The following BTBD10 variants were observed in gnomAD, a reference collection of about 807,000 sequenced individuals.
The protein encoded by BTBD10 is BTB/POZ domain-containing protein 10.
A neutral mutation model predicts 53.2 loss-of-function variants in BTBD10; 21 were observed. The observed-to-expected ratio is 0.39, with a 90% CI of 0.28 to 0.57. The LOEUF is 0.57. Among genes scored for constraint, BTBD10 ranks in the 20% least tolerant of loss-of-function variants. The pLI, the probability that BTBD10 is intolerant of heterozygous loss-of-function variation, is 0.53. For missense variants in BTBD10, 360 were observed against 594.7 expected (o/e 0.61, Z 4.10); for synonymous variants, 149 against 192.7 (o/e 0.77, Z 1.88).
chr11:13,402,597 A>G (rs1949737270), intron 8 of BTBD10, among the ~76,000 whole-genome samples: 1 of 152,208 alleles, frequency 6.6e-6, no homozygotes, highest in Non-Finnish European at 1.5e-5. Flanking sequence ...TTAAAATAAA[A>G]GAGGCATCTG....
At chr11:13,439,603 T>G (rs1950610114) in intron 2 of BTBD10, among the ~76,000 whole-genome samples, 1 of 152,124 alleles carries the variant, frequency 6.6e-6, no homozygotes, top group African/African-American at 2.4e-5. Context: ...TTAAATAAAT[T>G]TTTAATGATA....
intron 1 of BTBD10, among the ~76,000 whole-genome samples, chr11:13,454,008 C>T (rs769063078): frequency 3.9e-5 from 6 of 151,920 alleles, no homozygotes; most frequent in Admixed American, 6.6e-5. Flanking sequence ...GCCAAGATCG[C>T]GCCACTGCAC....
chr11:13,397,776 T>A lies in BTBD10; in HGVS notation c.1117+5392A>T, dbSNP rs369782254. Among the ~76,000 whole-genome samples the A allele has an allele frequency of 5.0e-4, 76 of 152,368 alleles. No individual in the cohort carries two copies. The East Asian group carries it at 0.012, about 24-fold the overall frequency. ...TCATTGGTTTCAAAGTACAGCTTTA[T>A]GTCTGCCTTCATTTCGTTATGTACC... On this transcript the variant is annotated intron_variant, in intron 8 of 8. Coordinates refer to ENST00000278174, the MANE Select transcript of BTBD10 (RefSeq NM_032320.7).
chr11:13,459,157 C>T (rs956985588), intron 1 of BTBD10, among the ~76,000 whole-genome samples: 20 of 149,586 alleles, frequency 1.3e-4, no homozygotes, highest in Admixed American at 7.3e-4. Flanking sequence ...CCCGGGTTCA[C>T]GCCATTCTCC....
At chr11:13,403,136 A>C in intron 8 of BTBD10, 32 bp downstream of exon 8, 1 of 1,298,926 alleles carries the variant, frequency 7.7e-7, no homozygotes, top group Non-Finnish European at 1.1e-6. Flanking sequence ...TTTTAAAAAG[A>C]AAACTAATAG....
At chr11:13,394,840 G>A (rs571365250) in intron 8 of BTBD10, among the ~76,000 whole-genome samples, 65 of 151,924 alleles carry the variant, frequency 4.3e-4, no homozygotes, top group Non-Finnish European at 7.8e-4. Flanking sequence ...ATGGTTTCCA[G>A]CCTCATCCGT....
At position 13,416,215 on chromosome 11, in the gene BTBD10, G is replaced by A. The variant is rs189889137; in HGVS notation, c.687+943C>T. On this transcript the variant is annotated intron_variant, in intron 5 of 8. Transcript: ENST00000278174. ...AAAAATACAAAAAAATTAGCTGGGC[G>A]TGGTGGCACACACCTATGGTCCCAG... is the stretch of plus-strand genomic sequence containing the variant. Among the ~76,000 whole-genome samples the A allele has an allele frequency of 6.2e-3, 933 of 151,660 alleles. 6 individuals carry two copies. Among genetic ancestry groups the A allele is most frequent in the African/African-American group, 0.021 (861 of 41,432 alleles).
At chr11:13,393,712 T>C (rs955047666) in intron 8 of BTBD10, among the ~76,000 whole-genome samples, 4 of 152,214 alleles carry the variant, frequency 2.6e-5, no homozygotes, top group Non-Finnish European at 5.9e-5. Context: ...TCATAGATTG[T>C]AGTACACAGG....
At chr11:13,392,108 T>A (rs1214646313) in intron 8 of BTBD10, among the ~76,000 whole-genome samples, 1 of 152,248 alleles carries the variant, frequency 6.6e-6, no homozygotes, top group African/African-American at 2.4e-5. Context: ...GTTTATGGTC[T>A]ATTGAGAGTC....
At chr11:13,413,389 A>T in intron 6 of BTBD10, 141 bp downstream of exon 6, 1 of 601,428 alleles carries the variant, frequency 1.7e-6, no homozygotes, top group Non-Finnish European at 2.5e-6. Flanking sequence ...AGCTTTCATT[A>T]ATAATCTTTG....
rs151268696 is a variant in BTBD10, at chr11:13,390,436, C to T, written c.1118-1295G>A. On this transcript the variant is annotated intron_variant, in intron 8 of 8. Transcript: ENST00000278174. ...TCGGCTCACTGCAACTTCTGTCTTC[C>T]GGGTTCAAGAGATTCTCCTGCCTCA... Among the ~76,000 whole-genome samples the T allele has an allele frequency of 4.9e-3, 743 of 151,998 alleles. 11 individuals are homozygous for T. Among genetic ancestry groups the T allele is most frequent in the African/African-American group, 0.017 (696 of 41,434 alleles).
chr11:13,410,264 A>C (rs932196972), intron 6 of BTBD10, among the ~76,000 whole-genome samples: 1 of 152,230 alleles, frequency 6.6e-6, no homozygotes, highest in Admixed American at 6.5e-5. Context: ...ACTTAGAATA[A>C]GTGCAGATTC....
At chr11:13,450,070 T>A (rs1199479708) in intron 1 of BTBD10, among the ~76,000 whole-genome samples, 1 of 152,194 alleles carries the variant, frequency 6.6e-6, no homozygotes, top group East Asian at 1.9e-4. Context: ...ATATTTCAAG[T>A]GTAGCCATTA....
At chr11:13,458,901 T>A (rs1437276870) in intron 1 of BTBD10, among the ~76,000 whole-genome samples, 1 of 152,158 alleles carries the variant, frequency 6.6e-6, no homozygotes, top group Non-Finnish European at 1.5e-5. Flanking sequence ...ATAAATTGTC[T>A]GAATGAAGTA....
At chr11:13,402,335 C>T (rs1949731838) in intron 8 of BTBD10, among the ~76,000 whole-genome samples, 1 of 152,174 alleles carries the variant, frequency 6.6e-6, no homozygotes, top group African/African-American at 2.4e-5. Context: ...TTACTATGTA[C>T]TAGGCAGTGT....
At chr11:13,419,429 T>C (rs966434310) in intron 4 of BTBD10, 31 bp downstream of exon 4, 18 of 1,594,342 alleles carry the variant, frequency 1.1e-5, no homozygotes, top group Admixed American at 5.5e-5. Flanking sequence ...ACATTATAAT[T>C]AGTAATGCAA....
At chr11:13,421,619 G>C in intron 3 of BTBD10, 23 bp downstream of exon 3, 1 of 1,589,088 alleles carries the variant, frequency 6.3e-7, no homozygotes, top group South Asian at 1.1e-5. Flanking sequence ...GAACTGTTAG[G>C]AAGGTTAGTT....
At chr11:13,392,823 A>C (rs1183959235) in intron 8 of BTBD10, among the ~76,000 whole-genome samples, 1 of 152,106 alleles carries the variant, frequency 6.6e-6, no homozygotes, top group Non-Finnish European at 1.5e-5. Context: ...ATTATTTTAG[A>C]GTTTGTTGTC....
intron 4 of BTBD10, among the ~76,000 whole-genome samples, chr11:13,418,395 G>C (rs1166454235): frequency 2.6e-5 from 4 of 151,734 alleles, no homozygotes; most frequent in Non-Finnish European, 4.4e-5. Flanking sequence ...ACTTTAAAAC[G>C]TTTTTTTAAG....
Sources: gnomAD v4.1 joint callset for allele counts (sites outside exome capture counted in the v4.1 genomes callset) on GRCh38, gnomAD v4.1.1 for gene constraint, MANE v1.5 for transcripts, NCBI Gene and HGNC (gene_info 2026-07-23, HGNC 2026-07-21) for gene names.